The following BMPR1B variants were observed in gnomAD, a reference collection of about 807,000 sequenced individuals.
BMPR1B encodes the protein bone morphogenetic protein receptor type-1B.
In BMPR1B, 12 loss-of-function variants were observed where a neutral mutation model predicts 59.1. The ratio of observed to expected loss-of-function variants is 0.20; its 90% CI spans 0.13 to 0.33. The LOEUF (loss-of-function observed/expected upper bound fraction) is 0.33, where lower values mean the gene tolerates loss of function less well. BMPR1B is among the 10% of genes least tolerant of loss of function. The pLI, the probability that BMPR1B is intolerant of heterozygous loss-of-function variation, is 1.00. For synonymous variants in BMPR1B, 237 were observed against 207.3 expected (o/e 1.14, Z -1.23); for missense variants, 550 against 610.9 (o/e 0.90, Z 1.05).
At chr4:94,934,471 T>TTTTTTATA in intron 2 of BMPR1B, among the ~76,000 whole-genome samples, 1 of 150,406 alleles carries the variant, frequency 6.6e-6, no homozygotes, top group South Asian at 2.1e-4. Context: ...TTTTTTTTTT[T>TTTTTTATA]CTCCTCCTTC....
chr4:95,124,894 A>G, intron 7 of BMPR1B, 89 bp from the exon 8 acceptor site: 2 of 1,275,014 alleles, frequency 1.6e-6, no homozygotes, highest in Admixed American at 1.8e-5. Context: ...TGCTAAAATA[A>G]AACTGCTGTG....
In BMPR1B at chr4:94,886,779, A is replaced by C. The variant is rs554100311; in HGVS notation, c.-113+10879A>C. Among the ~76,000 whole-genome samples, 4 of 152,330 alleles carry C rather than the reference A, an allele frequency of 2.6e-5. No individual in the cohort carries two copies. In the East Asian group the frequency reaches 7.7e-4, roughly 29 times the overall value. On this transcript the variant is annotated intron_variant, in intron 2 of 12. Transcript: ENST00000515059. ...TCCTGCCCCTTTCCTGTCATGCTGC[A>C]GTGCTTTGTGGTATACACACAGAAA...
At chr4:94,990,592 T>C (rs963832152) in intron 2 of BMPR1B, among the ~76,000 whole-genome samples, 10 of 152,226 alleles carry the variant, frequency 6.6e-5, no homozygotes, top group African/African-American at 2.4e-4. Context: ...AAGTCACATA[T>C]GTAACTTACA....
chr4:94,831,237 A>ACAACAACAACAAC (rs200801784), intron 1 of BMPR1B, among the ~76,000 whole-genome samples: 24 of 146,838 alleles, frequency 1.6e-4, no homozygotes, highest in Admixed American at 6.7e-4. Flanking sequence ...AAAAAGTAAA[A>ACAACAACAACAAC]AAAAAAAAAA....
chr4:94,824,559 G>C (rs1410243382), intron 1 of BMPR1B, among the ~76,000 whole-genome samples: 1 of 152,158 alleles, frequency 6.6e-6, no homozygotes, highest in East Asian at 1.9e-4. Context: ...TTTCTAAAAA[G>C]CTCATTTGAA....
chr4:94,873,198 C>T (rs1019295566), intron 1 of BMPR1B, among the ~76,000 whole-genome samples: 2 of 152,104 alleles, frequency 1.3e-5, no homozygotes, highest in African/African-American at 4.8e-5. Context: ...GGATACTCTC[C>T]CTTAAGTACT....
rs1246279562 is a variant in BMPR1B at position 95,131,528 on chromosome 4, A to G, written c.1076+16A>G. 1 of 1,613,258 alleles carries G rather than the reference A, an allele frequency of 6.2e-7. No individual in the cohort carries two copies. Reference sequence around the variant, plus strand: ...AATTTATTAGGTTAGTATCAAAGTGAACAAATACATGTTTTATGACTCTTT... The same window carrying G: ...AATTTATTAGGTTAGTATCAAAGTGGACAAATACATGTTTTATGACTCTTT... On this transcript the variant is annotated intron_variant, in intron 10 of 12. Transcript: ENST00000515059.
intron 2 of BMPR1B, among the ~76,000 whole-genome samples, chr4:94,927,988 G>T (rs866959312): frequency 1.2e-4 from 18 of 152,204 alleles, no homozygotes; most frequent in Middle Eastern, 3.4e-3. Flanking sequence ...TCTCTGGAAT[G>T]TTGGTTATTT....
intron 1 of BMPR1B, among the ~76,000 whole-genome samples, chr4:94,805,894 G>A (rs1264487278): frequency 6.6e-6 from 1 of 152,036 alleles, no homozygotes; most frequent in Non-Finnish European, 1.5e-5. Context: ...ATGAATGAAT[G>A]AATAAATATG....
chr4:94,948,237 C>T (rs1252647257), intron 2 of BMPR1B, among the ~76,000 whole-genome samples: 1 of 152,154 alleles, frequency 6.6e-6, no homozygotes, highest in Non-Finnish European at 1.5e-5. Context: ...TCTAAAGAGC[C>T]TTTATCCATA....
At chr4:95,133,284 G>T (rs1733517380) in intron 10 of BMPR1B, among the ~76,000 whole-genome samples, 3 of 152,072 alleles carry the variant, frequency 2.0e-5, no homozygotes, top group African/African-American at 4.8e-5. Flanking sequence ...TTTTCTTGAA[G>T]CCTAATTTTG....
intron 1 of BMPR1B, among the ~76,000 whole-genome samples, chr4:94,824,510 T>C (rs1006259394): frequency 1.3e-5 from 2 of 152,244 alleles, no homozygotes; most frequent in African/African-American, 2.4e-5. Flanking sequence ...TGTATCCTTA[T>C]GCTATTTGAA....
intron 3 of BMPR1B, among the ~76,000 whole-genome samples, chr4:95,071,648 G>GTATATATATATATATATA (rs1553933769): frequency 1.4e-4 from 15 of 104,750 alleles, no homozygotes; most frequent in African/African-American, 5.6e-4. Flanking sequence ...GTGTGTGTGT[G>GTATATATATATATATATA]TGTGTATATA....
At chr4:94,814,081 A>G (rs1723921562) in intron 1 of BMPR1B, among the ~76,000 whole-genome samples, 1 of 152,182 alleles carries the variant, frequency 6.6e-6, no homozygotes, top group Non-Finnish European at 1.5e-5. Context: ...TATTTGAGAA[A>G]AATAGGATTA....
intron 4 of BMPR1B, among the ~76,000 whole-genome samples, chr4:95,107,370 A>T (rs189795968): frequency 8.9e-4 from 135 of 152,132 alleles, no homozygotes; most frequent in Admixed American, 2.8e-3. Flanking sequence ...TGTAGTAGAG[A>T]TGGAAGTCAG....
At chr4:94,785,589 A>G (rs1382195919) in intron 1 of BMPR1B, among the ~76,000 whole-genome samples, 1 of 152,188 alleles carries the variant, frequency 6.6e-6, no homozygotes, top group African/African-American at 2.4e-5. Flanking sequence ...TAGAAAAGAA[A>G]AAGATGGGCC....
chr4:94,823,980 TTG>T (rs1724297944), intron 1 of BMPR1B, among the ~76,000 whole-genome samples: 2 of 152,150 alleles, frequency 1.3e-5, no homozygotes, highest in African/African-American at 2.4e-5. Flanking sequence ...TCTCCTGACC[TTG>T]CGATCCACCC....
chr4:95,055,835 C>A (rs189380601), intron 3 of BMPR1B, among the ~76,000 whole-genome samples: 1 of 152,202 alleles, frequency 6.6e-6, no homozygotes, highest in East Asian at 1.9e-4. Flanking sequence ...TTGTAAATTA[C>A]AAATATATGA....
intron 3 of BMPR1B, among the ~76,000 whole-genome samples, chr4:95,023,114 T>C (rs1348807830): frequency 6.6e-6 from 1 of 152,192 alleles, no homozygotes; most frequent in Admixed American, 6.5e-5. Context: ...CCATTTCCAG[T>C]GTAAAGCCTA....
Sources: allele counts gnomAD v4.1 joint callset (sites outside exome capture counted in the v4.1 genomes callset), GRCh38; gene constraint gnomAD v4.1.1; transcripts MANE v1.5; gene names NCBI Gene and HGNC (gene_info 2026-07-23, HGNC 2026-07-21).